FOXL2: variants seen among roughly 807,000 people sequenced by gnomAD.
FOXL2 encodes forkhead box protein L2.
A neutral mutation model predicts 2.5 loss-of-function variants in FOXL2; 3 were observed. That is an observed-to-expected ratio of 1.20 (90% CI 0.55 to 3.11). The LOEUF (loss-of-function observed/expected upper bound fraction) is 3.11, where lower values mean the gene tolerates loss of function less well. Among genes scored for constraint, FOXL2 ranks in the 30% most tolerant of loss-of-function variants. The probability of loss-of-function intolerance (pLI) is 0.03; values close to 1 mark genes in which losing one functional copy is unlikely to be tolerated. For synonymous variants in FOXL2, 315 were observed against 269.4 expected, an observed-to-expected ratio of 1.17 and a Z score of -1.66; for missense variants, 512 against 570.0, an observed-to-expected ratio of 0.90 and a Z score of 1.04.
At position 138,945,388 on chromosome 3, in the gene FOXL2, A is replaced by T. The variant is rs2107742728; in HGVS notation, c.*204T>A. Reference sequence around the variant, plus strand: ...TCACAGAGGTCAGGGAGGTGAGCACAGGAGGACATAAACTGAGGGGACAAA... The same window carrying T: ...TCACAGAGGTCAGGGAGGTGAGCACTGGAGGACATAAACTGAGGGGACAAA... On this transcript the variant is annotated 3_prime_UTR_variant, in exon 1 of 1. Coordinates refer to ENST00000648323, the MANE Select transcript of FOXL2 (RefSeq NM_023067.4). 1 of 825,924 alleles carries T rather than the reference A, an allele frequency of 1.2e-6. No individual in the cohort carries two copies. Among genetic ancestry groups the T allele is most frequent in the Non-Finnish European group, 1.8e-6 (1 of 556,960 alleles). 51.2% of individuals were successfully genotyped at this position (825,924 alleles called of 1,614,324 possible). A position where few individuals can be genotyped will look rare whatever the true frequency, so the allele number is the denominator to read the frequency against.
chr3:138,945,235 G>GAGGTATGATGTGTAGAT lies in FOXL2; in HGVS notation c.*356_*357insATCTACACATCATACCT. The GAGGTATGATGTGTAGAT allele has an allele frequency of 3.9e-6, 1 of 253,838 alleles. No homozygotes were observed. The highest frequency in any genetic ancestry group is 5.0e-5 in the Admixed American group (1 of 20,066). 15.7% of individuals were successfully genotyped at this position (253,838 alleles called of 1,614,324 possible). A position where few individuals can be genotyped will look rare whatever the true frequency, so the allele number is the denominator to read the frequency against. ...AGGCCAAGAGGTCTGCGCTGCCGAC[G>GAGGTATGATGTGTAGAT]CCCGGTCGCACCTCCGCCCCGGGCC... On this transcript the variant is annotated 3_prime_UTR_variant, in exon 1 of 1. Transcript: ENST00000648323.
Position 138,945,637 on chromosome 3 carries a change from G to A in FOXL2, c.1086C>T (p.Asp362=). 1.2e-6 allele frequency: 2 copies of A among 1,610,814 alleles called. No individual in the cohort carries two copies. The highest frequency in any genetic ancestry group is 8.5e-7 in the Non-Finnish European group (1 of 1,178,636). ...ELAMMHCSYW[D]HDSKTGALHS... The stretch of plus-strand genomic sequence containing the variant: ...GCAGCGCGCCGGTCTTGCTGTCGTG[G>A]TCCCAGTAAGAGCAATGCATCATGG... The change falls in exon 1 of 1, where the codon GAC becomes GAT. Residue 362 remains aspartate, a synonymous_variant. Coordinates refer to ENST00000648323, the MANE Select transcript of FOXL2 (RefSeq NM_023067.4).
rs1935979879 is a variant in FOXL2 at position 138,946,608 on chromosome 3, C to T, written c.115G>A (p.Gly39Arg). ...GPPPSPGKGG[G>R]GGGGTAPEKP... Reference sequence around the variant, plus strand: ...TCCGGGGCTGTCCCGCCGCCACCCCCACCGCCCTTGCCTGGGCTCGGCGGC... The same window carrying T: ...TCCGGGGCTGTCCCGCCGCCACCCCTACCGCCCTTGCCTGGGCTCGGCGGC... Residue 39 changes from glycine to arginine, a missense_variant, in exon 1 of 1, where the codon GGG becomes AGG. This residue lies in a region of FOXL2 where 92 missense variants were observed against 77.8 expected (regional missense o/e 1.18). Transcript: ENST00000648323. 1 of 1,604,006 alleles carries T rather than the reference C, an allele frequency of 6.2e-7. No homozygotes were observed. The highest frequency in any genetic ancestry group is 1.1e-5 in the South Asian group (1 of 90,906).
chr3:138,945,662 G>A lies in FOXL2; in HGVS notation c.1061C>T (p.Ala354Val), dbSNP rs1202654322. ...GTCCCAGTAAGAGCAATGCATCATG[G>A]CGAGCTCGGGCTGCCGGGCACAAGC... ...QFACARQPELAMMHCSYWDHD... is the reference protein window; with the variant it reads ...QFACARQPELVMMHCSYWDHD... Residue 354 changes from alanine (A) to valine (V), a missense_variant, in exon 1 of 1, where the codon GCC becomes GTC. Ala to Val is a moderately conservative substitution (Grantham distance 64). Coordinates refer to ENST00000648323, the MANE Select transcript of FOXL2 (RefSeq NM_023067.4). 1 of 1,592,520 alleles carries A rather than the reference G, an allele frequency of 6.3e-7. No homozygotes were observed. Among genetic ancestry groups the A allele is most frequent in the Admixed American group, 1.7e-5 (1 of 59,610 alleles).
In FOXL2 at chr3:138,946,522, G is replaced by A. The variant is rs1935976588; in HGVS notation, c.201C>T (p.Ile67=). The change falls in exon 1 of 1, where the codon ATC becomes ATT. Residue 67 remains isoleucine, a synonymous_variant. Transcript: ENST00000648323. ...TGAGCCTCTTCTCCGCGCTCTCGCG[G>A]ATCGCCATGGCGATGAGCGCCACGT... ...YSYVALIAMA[I]RESAEKRLTL... is the part of the protein sequence containing the mutation. 6 of 1,613,630 alleles carry A rather than the reference G, an allele frequency of 3.7e-6. No homozygotes were observed. The East Asian group carries it at 1.1e-4, about 30-fold the overall frequency.
At position 138,946,241 on chromosome 3, in the gene FOXL2, T is replaced by G; in HGVS notation, c.482A>C (p.Gln161Pro). 6.4e-7 allele frequency: 1 copy of G among 1,572,910 alleles called. No individual in the cohort carries two copies. The highest frequency in any genetic ancestry group is 8.6e-7 in the Non-Finnish European group (1 of 1,160,976). The change falls in exon 1 of 1, where the codon CAG (glutamine) becomes CCG (proline). Residue 161 changes from glutamine (Q) to proline (P), a missense_variant. Coordinates refer to ENST00000648323, the MANE Select transcript of FOXL2 (RefSeq NM_023067.4). ...GGCCCCGAAGAGCCCCTTGCCGGGC[T>G]GGAAGTGCGCGGGCGGCGGCCGGAA... ...RPFRPPPAHF[Q>P]PGKGLFGAGG...
chr3:138,947,053 C>T lies in FOXL2; in HGVS notation c.-331G>A. The T allele has an allele frequency of 2.6e-5, 8 of 304,886 alleles. No individual in the cohort carries two copies. Among genetic ancestry groups the T allele is most frequent in the South Asian group, 2.3e-4 (6 of 26,494 alleles). 18.9% of individuals were successfully genotyped at this position (304,886 alleles called of 1,614,324 possible). On this transcript the variant is annotated 5_prime_UTR_variant, in exon 1 of 1. Transcript: ENST00000648323. The surrounding 1 kb of genome is among the most constrained non-coding windows in gnomAD (Gnocchi z 5.2). ...TTCTGCGCTCTTCCCCTCCCCCCGC[C>T]CCCCGGTTTCCCGAAGCACGACCCG...
chr3:138,945,276 TTG>T lies in FOXL2; in HGVS notation c.*314_*315del. On this transcript the variant is annotated 3_prime_UTR_variant, in exon 1 of 1. Transcript: ENST00000648323. ...GCCCCGGGCCCTTTCCGCGGTGAAT[TTG>T]GGCAGGAGACGCTGGGGCTCCGGAA... The T allele has an allele frequency of 1.2e-5, 3 of 260,714 alleles. No homozygotes were observed. The highest frequency in any genetic ancestry group is 1.6e-4 in the South Asian group (1 of 6,194). The allele number at this position is 260,714 out of a possible 1,614,324, so 16.2% of individuals were successfully genotyped here. A position where few individuals can be genotyped will look rare whatever the true frequency, so the allele number is the denominator to read the frequency against.
Position 138,947,072 on chromosome 3 carries a change from C to T in FOXL2, c.-350G>A. On this transcript the variant is annotated 5_prime_UTR_variant, in exon 1 of 1. In the 5' UTR this introduces an upstream ATG that the reference lacks. Coordinates refer to ENST00000648323, the MANE Select transcript of FOXL2 (RefSeq NM_023067.4). The surrounding 1 kb of genome is among the most constrained non-coding windows in gnomAD (Gnocchi z 5.2). The stretch of plus-strand genomic sequence containing the variant: ...CCCCGCCCCCCGGTTTCCCGAAGCA[C>T]GACCCGCGTCTCTGGCGGAGCTGCC... The T allele has an allele frequency of 2.7e-6, 1 of 365,572 alleles. No homozygotes were observed. The highest frequency in any genetic ancestry group is 5.0e-6 in the Non-Finnish European group (1 of 201,444). The allele number at this position is 365,572 out of a possible 1,614,324, so 22.6% of individuals were successfully genotyped here. A position where few individuals can be genotyped will look rare whatever the true frequency, so the allele number is the denominator to read the frequency against.
At position 138,945,810 on chromosome 3, in the gene FOXL2, G is replaced by T; in HGVS notation, c.913C>A (p.Pro305Thr). ...CCGTGGTGCGGTGGGGCAGGCGGCG[G>T]TGCGGCGGCCGCGTGCAGATGGTGT... ...HAHHLHAAAA[P>T]PPAPPHHGAA... The change falls in exon 1 of 1, where the codon CCG becomes ACG. Residue 305 changes from proline (P) to threonine (T), a missense_variant. Coordinates refer to ENST00000648323, the MANE Select transcript of FOXL2 (RefSeq NM_023067.4). 8.3e-7 allele frequency: 1 copy of T among 1,197,850 alleles called. No individual in the cohort carries two copies. The highest frequency in any genetic ancestry group is 1.6e-5 in the African/African-American group (1 of 62,960). The allele number at this position is 1,197,850 out of a possible 1,614,324, so 74.2% of individuals were successfully genotyped here. A position where few individuals can be genotyped will look rare whatever the true frequency, so the allele number is the denominator to read the frequency against.
rs1935950111 is a variant in FOXL2 at position 138,945,864 on chromosome 3, G to C, written c.859C>G (p.Pro287Ala). Residue 287 changes from proline to alanine, a missense_variant, in exon 1 of 1, where the codon CCG becomes GCG. By Grantham distance (27) the Pro-to-Ala change is conservative. This residue lies in a region of FOXL2 where 287 missense variants were observed against 277.4 expected (regional missense o/e 1.03). Transcript: ENST00000648323. ...TGCGGATGCGGGTGGGGGTGCGGCG[G>C]AGGCGGGGGTGCGGCCGGCGGGCCT... ...LGGPPAAPPP[P>A]PHPHPHPHAH... The C allele has an allele frequency of 1.6e-6, 2 of 1,243,068 alleles. No homozygotes were observed. The highest frequency in any genetic ancestry group is 2.0e-6 in the Non-Finnish European group (2 of 996,630). 77.0% of individuals were successfully genotyped at this position (1,243,068 alleles called of 1,614,324 possible). A position where few individuals can be genotyped will look rare whatever the true frequency, so the allele number is the denominator to read the frequency against.
Position 138,946,306 on chromosome 3 carries a change from C to T in FOXL2, c.417G>A (p.Glu139=), listed in dbSNP as rs749651371. The T allele has an allele frequency of 1.9e-6, 3 of 1,613,420 alleles. No individual in the cohort carries two copies. The change falls in exon 1 of 1, where the codon GAG becomes GAA. Residue 139 remains glutamate, a synonymous_variant. Coordinates refer to ENST00000648323, the MANE Select transcript of FOXL2 (RefSeq NM_023067.4). ...TLDPACEDMF[E]KGNYRRRRRM... is the part of the protein sequence containing the mutation. ...GGCGGCGGCGCCGGTAGTTGCCCTT[C>T]TCGAACATGTCTTCGCAGGCCGGGT...
chr3:138,945,428 G>T lies in FOXL2; in HGVS notation c.*164C>A. On this transcript the variant is annotated 3_prime_UTR_variant, in exon 1 of 1. Transcript: ENST00000648323. ...GAGGGGACAAAGAGGAGCGACAGGA[G>T]CTTAGGAAAGCGAAAAAGCACAGAG... is the stretch of plus-strand genomic sequence containing the variant. 2 of 1,239,466 alleles carry T rather than the reference G, an allele frequency of 1.6e-6. No homozygotes were observed. The highest frequency in any genetic ancestry group is 2.2e-6 in the Non-Finnish European group (2 of 912,810). 76.8% of individuals were successfully genotyped at this position (1,239,466 alleles called of 1,614,324 possible).
rs2107743590 is a variant in FOXL2, at chr3:138,945,973, G to A, written c.750C>T (p.Gly250=). Residue 250 remains glycine (G), a synonymous_variant, in exon 1 of 1, where the codon GGC becomes GGT. Transcript: ENST00000648323. The part of the protein sequence containing the change: ...GAAAVVKGLA[G]PAASYGPYTR... ...TGTACGGCCCGTACGAGGCGGCCGG[G>A]CCCGCCAGCCCCTTGACCACAGCGG... 2.1e-6 allele frequency: 3 copies of A among 1,398,324 alleles called. No homozygotes were observed. The highest frequency in any genetic ancestry group is 2.8e-6 in the Non-Finnish European group (3 of 1,088,808). 86.6% of individuals were successfully genotyped at this position (1,398,324 alleles called of 1,614,324 possible). A position where few individuals can be genotyped will look rare whatever the true frequency, so the allele number is the denominator to read the frequency against.
Position 138,945,749 on chromosome 3 carries a change from G to A in FOXL2, c.974C>T (p.Ala325Val). ...AAPPPGQLSP[A>V]SPATAAPPAP... ...CGGGGGCGCGGCGGTGGCTGGGCTG[G>A]CAGGGCTGAGCTGGCCCGGCGGCGG... is the stretch of plus-strand genomic sequence containing the variant. Residue 325 changes from alanine (A) to valine (V), a missense_variant, in exon 1 of 1, where the codon GCC becomes GTC. Coordinates refer to ENST00000648323, the MANE Select transcript of FOXL2 (RefSeq NM_023067.4). The A allele has an allele frequency of 8.1e-7, 1 of 1,229,378 alleles. No individual in the cohort carries two copies. The highest frequency in any genetic ancestry group is 1.0e-6 in the Non-Finnish European group (1 of 976,752). The allele number at this position is 1,229,378 out of a possible 1,614,324, so 76.2% of individuals were successfully genotyped here. A position where few individuals can be genotyped will look rare whatever the true frequency, so the allele number is the denominator to read the frequency against.
rs2107744320 is a variant in FOXL2 at position 138,946,257 on chromosome 3, G to C, written c.466C>G (p.Pro156Ala). The part of the protein sequence containing the change: ...RRRMKRPFRP[P>A]PAHFQPGKGL... ...TTGCCGGGCTGGAAGTGCGCGGGCG[G>C]CGGCCGGAAGGGCCTCTTCATGCGG... The change falls in exon 1 of 1, where the codon CCG (proline) becomes GCG (alanine). Residue 156 changes from proline (P) to alanine (A), a missense_variant. Physicochemically the swap from Pro to Ala is conservative, Grantham distance 27. Around this residue, in one of 5 missense-constraint regions of FOXL2, gnomAD observed 287 missense variants for 277.4 expected, o/e 1.03. Transcript: ENST00000648323. The C allele has an allele frequency of 6.3e-7, 1 of 1,593,592 alleles. No homozygotes were observed. The highest frequency in any genetic ancestry group is 8.5e-7 in the Non-Finnish European group (1 of 1,170,892).
In FOXL2 at chr3:138,946,520, C is replaced by A. The variant is rs779297637; in HGVS notation, c.203G>T (p.Arg68Leu). 2.4e-5 allele frequency: 39 copies of A among 1,613,620 alleles called. No homozygotes were observed. The highest frequency in any genetic ancestry group is 3.1e-5 in the Non-Finnish European group (37 of 1,180,016). Residue 68 changes from arginine to leucine, a missense_variant, in exon 1 of 1, where the codon CGC becomes CTC. Arg to Leu is a moderately radical substitution (Grantham distance 102). This residue lies in a region of FOXL2 where 63 missense variants were observed against 138.9 expected (regional missense o/e 0.45). Transcript: ENST00000648323. Reference protein sequence around the residue: ...SYVALIAMAIRESAEKRLTLS... With the variant: ...SYVALIAMAILESAEKRLTLS... ...CGTGAGCCTCTTCTCCGCGCTCTCG[C>A]GGATCGCCATGGCGATGAGCGCCAC...
Position 138,946,683 on chromosome 3 carries a change from C to T in FOXL2, c.40G>A (p.Ala14Thr), listed in dbSNP as rs754146874. 3 of 1,576,704 alleles carry T rather than the reference C, an allele frequency of 1.9e-6. No homozygotes were observed. Among genetic ancestry groups the T allele is most frequent in the Admixed American group, 1.8e-5 (1 of 54,730 alleles). The change falls in exon 1 of 1, where the codon GCC (alanine) becomes ACC (threonine). Residue 14 changes from alanine to threonine, a missense_variant. Physicochemically the swap from Ala to Thr is moderately conservative, Grantham distance 58. Around this residue, in one of 5 missense-constraint regions of FOXL2, gnomAD observed 92 missense variants for 77.8 expected, o/e 1.18. Transcript: ENST00000648323. ...SYPEPEDAAG[A>T]LLAPETGRTV... ...CGACCGGTCTCTGGGGCCAGCAGGG[C>T]CCCCGCCGCGTCCTCGGGCTCGGGG...
At position 138,945,144 on chromosome 3, in the gene FOXL2, C is replaced by A. The variant is rs2107742565; in HGVS notation, c.*448G>T. 8.4e-6 allele frequency: 2 copies of A among 238,662 alleles called. No individual in the cohort carries two copies. The highest frequency in any genetic ancestry group is 1.2e-4 in the East Asian group (2 of 17,304). The allele number at this position is 238,662 out of a possible 1,614,324, so 14.8% of individuals were successfully genotyped here. On this transcript the variant is annotated 3_prime_UTR_variant, in exon 1 of 1. Coordinates refer to ENST00000648323, the MANE Select transcript of FOXL2 (RefSeq NM_023067.4). ...CCGCCATCAGTCCTGTCCGGCGCGT[C>A]TAGCCATGGACTGCACGGCAGTCGG...
Sources: gnomAD v4.1 joint callset for allele counts on GRCh38, gnomAD v4.1.1 for gene constraint, gnomAD v4.1.1 regional missense constraint, Gnocchi (gnomAD v3.1) non-coding constraint, MANE v1.5 for transcripts, NCBI Gene and HGNC (gene_info 2026-07-23, HGNC 2026-07-21) for gene names.